The following GPATCH8 variants were observed in gnomAD, a reference collection of about 807,000 sequenced individuals.
The protein encoded by GPATCH8 is G-patch domain containing 8.
In GPATCH8, 18 loss-of-function variants were observed where a neutral mutation model predicts 118.3. The observed-to-expected ratio is 0.15, with a 90% confidence interval of 0.11 to 0.23. The LOEUF (loss-of-function observed/expected upper bound fraction) is 0.23, where lower values mean the gene tolerates loss of function less well. Among genes scored for constraint, GPATCH8 ranks in the 10% least tolerant of loss-of-function variants. GPATCH8 has a pLI of 1.00. For missense variants in GPATCH8, 1,631 were observed against 1,873.8 expected, an observed-to-expected ratio of 0.87 and a Z score of 2.39; for synonymous variants, 659 against 684.7, an observed-to-expected ratio of 0.96 and a Z score of 0.59.
At chr17:44,420,038 GTT>G (rs35137337) in intron 6 of GPATCH8, among the ~76,000 whole-genome samples, 14 of 143,470 alleles carry the variant, frequency 9.8e-5, no homozygotes, top group African/African-American at 2.3e-4. Flanking sequence ...GTACTACATG[GTT>G]TTTTTTTTTT....
intron 1 of GPATCH8, among the ~76,000 whole-genome samples, chr17:44,501,598 T>C (rs1970075665): frequency 6.6e-6 from 1 of 152,050 alleles, no homozygotes; most frequent in Admixed American, 6.6e-5. Flanking sequence ...AACTGAGTAT[T>C]GAAAAAGTAC....
intron 1 of GPATCH8, among the ~76,000 whole-genome samples, chr17:44,484,063 A>G (rs577433490): frequency 5.9e-5 from 9 of 152,220 alleles, no homozygotes; most frequent in Admixed American, 5.9e-4. Flanking sequence ...GATGGTCTTG[A>G]TCTCCTGACT....
intron 7 of GPATCH8, among the ~76,000 whole-genome samples, chr17:44,404,160 C>T (rs573588681): frequency 5.3e-5 from 8 of 152,100 alleles, no homozygotes; most frequent in African/African-American, 1.9e-4. Context: ...TTTTTTGAGA[C>T]AGGGTCTTGC....
rs201556616 is a variant in GPATCH8, at chr17:44,414,141, A to G, written c.493-8090T>C. Among the ~76,000 whole-genome samples the G allele has an allele frequency of 1.2e-3, 159 of 133,288 alleles. 3 individuals carry two copies. The East Asian group carries it at 0.024, about 20-fold the overall frequency. The allele number at this position is 133,288 out of a possible 152,430, so 87.4% of individuals were successfully genotyped here. A position where few individuals can be genotyped will look rare whatever the true frequency, so the allele number is the denominator to read the frequency against. On this transcript the variant is annotated intron_variant, in intron 6 of 7. Coordinates refer to ENST00000591680, the MANE Select transcript of GPATCH8 (RefSeq NM_001002909.4). ...TGTATATATATGTGTATATATATAT[A>G]TGTGTATATATATATGTGTATATAT...
intron 7 of GPATCH8, among the ~76,000 whole-genome samples, chr17:44,405,014 CTATA>C (rs1329802942): frequency 1.3e-5 from 2 of 152,048 alleles, no homozygotes; most frequent in African/African-American, 4.8e-5. Context: ...GTTAACAATA[CTATA>C]TAGTTTCAAA....
chr17:44,415,606 A>G (rs896839795), intron 6 of GPATCH8, among the ~76,000 whole-genome samples: 4 of 152,236 alleles, frequency 2.6e-5, no homozygotes, highest in African/African-American at 7.2e-5. Context: ...CTGAAGGCGG[A>G]TAAGTCATAA....
At position 44,400,538 on chromosome 17, in the gene GPATCH8, A is replaced by T; in HGVS notation, c.1539T>A (p.Ser513=). 6.2e-7 allele frequency: 1 copy of T among 1,614,074 alleles called. No individual in the cohort carries two copies. The highest frequency in any genetic ancestry group is 8.5e-7 in the Non-Finnish European group (1 of 1,179,926). The change falls in exon 8 of 8, where the codon TCT becomes TCA. Residue 513 remains serine (S), a synonymous_variant. Coordinates refer to ENST00000591680, the MANE Select transcript of GPATCH8 (RefSeq NM_001002909.4). ...CTGGGGTGGCCAGAGAGGTTTCTTT[A>T]GAAGAGTTGGACTCACACATTTGGG... ...SETQMCESNS[S]KETSLATPAG...
chr17:44,453,528 T>TGTGTGTGTGCGCGC lies in GPATCH8; in HGVS notation c.193+10943_193+10944insGCGCGCACACACAC, dbSNP rs1482667373. On this transcript the variant is annotated intron_variant, in intron 3 of 7. Coordinates refer to ENST00000591680, the MANE Select transcript of GPATCH8 (RefSeq NM_001002909.4). Reference sequence around the variant, plus strand: ...GTGTGTGTGTGTGTGTGTGTGTGTGTGTGCAGGCGCGCGTTTTGAGACATG... The same window carrying TGTGTGTGTGCGCGC: ...GTGTGTGTGTGTGTGTGTGTGTGTGTGTGTGTGTGCGCGCGTGCAGGCGCGCGTTTTGAGACATG... 2.4e-3 allele frequency among the ~76,000 whole-genome samples: 366 copies of TGTGTGTGTGCGCGC among 150,690 alleles called. 4 individuals carry two copies. Among genetic ancestry groups the TGTGTGTGTGCGCGC allele is most frequent in the African/African-American group, 8.6e-3 (349 of 40,548 alleles).
intron 2 of GPATCH8, chr17:44,464,779 T>C (rs1335881682): frequency 1.4e-5 from 7 of 511,152 alleles, no homozygotes; most frequent in Non-Finnish European, 1.8e-5. Context: ...GATGGTGTGT[T>C]GGGCAACTTT....
chr17:44,402,024 TA>T (rs921836257), intron 7 of GPATCH8, among the ~76,000 whole-genome samples: 5 of 49,766 alleles, frequency 1.0e-4, no homozygotes, highest in Admixed American at 5.0e-4. Flanking sequence ...AAAAAAAAAA[TA>T]AAAAATAAAG....
Position 44,487,288 on chromosome 17 carries a change from T to C in GPATCH8, c.46-12385A>G, listed in dbSNP as rs183860235. The stretch of plus-strand genomic sequence containing the variant: ...TTTCCAATTGGCTTCTTTCACATAT[T>C]CTTGAATAAGTATCCAAGGTTCTTC... On this transcript the variant is annotated intron_variant, in intron 1 of 7. Coordinates refer to ENST00000591680, the MANE Select transcript of GPATCH8 (RefSeq NM_001002909.4). Among the ~76,000 whole-genome samples the C allele has an allele frequency of 3.9e-5, 6 of 152,334 alleles. 1 individual carries two copies. In the East Asian group the frequency reaches 1.2e-3, roughly 29 times the overall value.
At chr17:44,425,554 G>A (rs966762734) in intron 5 of GPATCH8, among the ~76,000 whole-genome samples, 4 of 152,082 alleles carry the variant, frequency 2.6e-5, no homozygotes, top group African/African-American at 9.7e-5. Context: ...GCTATTAAAC[G>A]ACTTGTGGCT....
At chr17:44,442,626 G>A (rs2050741734) in intron 3 of GPATCH8, among the ~76,000 whole-genome samples, 1 of 152,132 alleles carries the variant, frequency 6.6e-6, no homozygotes, top group Admixed American at 6.6e-5. Context: ...CACTACATCT[G>A]GCTAATTTTT....
chr17:44,400,525 G>C lies in GPATCH8; in HGVS notation c.1552C>G (p.Leu518Val), dbSNP rs1357634319. ...CESNSSKETS[L>V]ATPAGKESQE... is the part of the protein sequence containing the mutation. ...CTTTCTTTCCCTGCTGGGGTGGCCA[G>C]AGAGGTTTCTTTAGAAGAGTTGGAC... Residue 518 changes from leucine to valine, a missense_variant, in exon 8 of 8, where the codon CTG (leucine) becomes GTG (valine). By Grantham distance (32) the Leu-to-Val change is conservative. Coordinates refer to ENST00000591680, the MANE Select transcript of GPATCH8 (RefSeq NM_001002909.4). 71 of 1,613,858 alleles carry C rather than the reference G, an allele frequency of 4.4e-5. 1 individual carries two copies. In the Admixed American group the frequency reaches 1.1e-3, roughly 25 times the overall value.
chr17:44,402,110 A>G (rs995892468), intron 7 of GPATCH8, among the ~76,000 whole-genome samples: 11 of 152,010 alleles, frequency 7.2e-5, no homozygotes, highest in Non-Finnish European at 1.6e-4. Flanking sequence ...TCATGAGATC[A>G]GGAGTTCAAG....
rs925720504 is a variant in GPATCH8 at position 44,397,645 on chromosome 17, C to T, written c.4432G>A (p.Ala1478Thr). 1.2e-6 allele frequency: 2 copies of T among 1,613,590 alleles called. No individual in the cohort carries two copies. The highest frequency in any genetic ancestry group is 1.7e-6 in the Non-Finnish European group (2 of 1,179,630). Reference sequence around the variant, plus strand: ...TGAAGTAGTGGGTGAAGGTGAAGTGCAGTGGCAGCTGCTGCAGCAGGCCGT... The same window carrying T: ...TGAAGTAGTGGGTGAAGGTGAAGTGTAGTGGCAGCTGCTGCAGCAGGCCGT... The part of the protein sequence containing the change: ...APRPAAAAAT[A>T]LHLHPLLHPI... Residue 1478 changes from alanine to threonine, a missense_variant, in exon 8 of 8, where the codon GCA (alanine) becomes ACA (threonine). Transcript: ENST00000591680.
At chr17:44,442,116 T>TAGAGAG (rs1379659600) in intron 3 of GPATCH8, among the ~76,000 whole-genome samples, 1 of 142,430 alleles carries the variant, frequency 7.0e-6, no homozygotes, top group Non-Finnish European at 1.5e-5. Flanking sequence ...TACATATATA[T>TAGAGAG]ATATATAGAG....
chr17:44,487,539 T>C (rs543562843), intron 1 of GPATCH8, among the ~76,000 whole-genome samples: 1 of 152,360 alleles, frequency 6.6e-6, no homozygotes, highest in African/African-American at 2.4e-5. Flanking sequence ...GATTGCTGGA[T>C]TGAACGGTAA....
chr17:44,401,582 G>A (rs990909595), intron 7 of GPATCH8, 129 bp from the exon 8 acceptor site: 5 of 721,302 alleles, frequency 6.9e-6, no homozygotes, highest in Admixed American at 4.0e-5. Flanking sequence ...AGTGAGTGGT[G>A]GTCATATTCC....
Sources: gnomAD v4.1 joint callset for allele counts (sites outside exome capture counted in the v4.1 genomes callset) on GRCh38, gnomAD v4.1.1 for gene constraint, MANE v1.5 for transcripts, NCBI Gene and HGNC (gene_info 2026-07-23, HGNC 2026-07-21) for gene names.